PIK3AP1: variants seen among roughly 807,000 people sequenced by gnomAD.
PIK3AP1 encodes the protein phosphoinositide 3-kinase adapter protein 1.
PIK3AP1 carries 21 observed loss-of-function variants against 88.1 expected under a neutral mutation model. The ratio of observed to expected loss-of-function variants is 0.24; its 90% CI spans 0.17 to 0.34. PIK3AP1 has a LOEUF of 0.34. Among genes scored for constraint, PIK3AP1 ranks in the 10% least tolerant of loss-of-function variants. The probability of loss-of-function intolerance (pLI) is 1.00; values close to 1 mark genes in which losing one functional copy is unlikely to be tolerated. For missense variants in PIK3AP1, 828 were observed against 1,035.7 expected, an observed-to-expected ratio of 0.80 and a Z score of 2.75; for synonymous variants, 398 against 400.0, an observed-to-expected ratio of 1.00 and a Z score of 0.06.
intron 8 of PIK3AP1, among the ~76,000 whole-genome samples, chr10:96,635,880 G>A (rs1403763984): frequency 3.3e-5 from 5 of 151,978 alleles, no homozygotes; most frequent in Non-Finnish European, 7.4e-5. Context: ...ACTCCAGCCT[G>A]GGCAACAGAG....
intron 2 of PIK3AP1, among the ~76,000 whole-genome samples, chr10:96,709,174 G>C (rs557977801): frequency 4.9e-4 from 73 of 148,392 alleles, no homozygotes; most frequent in African/African-American, 1.8e-3. Flanking sequence ...AAAATGTGAA[G>C]TTCGCGTGAT....
chr10:96,670,051 T>C (rs911961655), intron 2 of PIK3AP1, among the ~76,000 whole-genome samples: 2 of 150,872 alleles, frequency 1.3e-5, no homozygotes, highest in African/African-American at 4.9e-5. Flanking sequence ...GGCACGCGCC[T>C]GTAGTCCCAG....
intron 2 of PIK3AP1, among the ~76,000 whole-genome samples, chr10:96,663,882 G>C (rs755908195): frequency 2.2e-4 from 33 of 152,094 alleles, no homozygotes; most frequent in Middle Eastern, 3.2e-3. Flanking sequence ...ATGCTGTCTT[G>C]CTATTTTAGC....
chr10:96,689,921 C>A (rs538657965), intron 2 of PIK3AP1, among the ~76,000 whole-genome samples: 78 of 152,274 alleles, frequency 5.1e-4, no homozygotes, highest in African/African-American at 1.8e-3. Flanking sequence ...CAGCCACGTG[C>A]CCAGGATCCA....
intron 2 of PIK3AP1, among the ~76,000 whole-genome samples, chr10:96,696,525 G>A (rs1844223751): frequency 6.6e-6 from 1 of 152,154 alleles, no homozygotes; most frequent in African/African-American, 2.4e-5. Context: ...GTGAATGGCT[G>A]GTGGAAACCA....
chr10:96,642,254 A>C (rs995659078), intron 8 of PIK3AP1, among the ~76,000 whole-genome samples: 17 of 152,046 alleles, frequency 1.1e-4, no homozygotes, highest in African/African-American at 4.1e-4. Flanking sequence ...ACAAAATCCC[A>C]TCTATATGAA....
intron 8 of PIK3AP1, among the ~76,000 whole-genome samples, chr10:96,636,367 T>A (rs1450608687): frequency 2.0e-5 from 3 of 152,258 alleles, no homozygotes; most frequent in Non-Finnish European, 2.9e-5. Flanking sequence ...TAGTAGCACA[T>A]ATTATCTTTG....
chr10:96,644,635 T>A (rs1399971298), intron 8 of PIK3AP1, among the ~76,000 whole-genome samples: 1 of 152,198 alleles, frequency 6.6e-6, no homozygotes. Context: ...CAAAGTTTGT[T>A]AGACAGTTTA....
intron 15 of PIK3AP1, among the ~76,000 whole-genome samples, chr10:96,602,617 C>T (rs1848918429): frequency 6.6e-6 from 1 of 152,164 alleles, no homozygotes; most frequent in Admixed American, 6.5e-5. Context: ...TCATTAATTG[C>T]CTGAATTCTA....
chr10:96,662,735 A>T (rs1372887019), intron 2 of PIK3AP1, among the ~76,000 whole-genome samples: 2 of 147,500 alleles, frequency 1.4e-5, no homozygotes, highest in Non-Finnish European at 3.0e-5. Context: ...AAAAAAAATT[A>T]GCCGGGCGCG....
intron 2 of PIK3AP1, among the ~76,000 whole-genome samples, chr10:96,704,715 T>C (rs536148100): frequency 6.7e-6 from 1 of 149,436 alleles, no homozygotes; most frequent in African/African-American, 2.5e-5. Context: ...CGAGACTCTA[T>C]CTCAAAAAGA....
chr10:96,649,053 AT>A (rs530885995), intron 6 of PIK3AP1, among the ~76,000 whole-genome samples, 198 bp from the exon 7 acceptor site: 5 of 151,878 alleles, frequency 3.3e-5, no homozygotes, highest in Non-Finnish European at 5.9e-5. Flanking sequence ...AGAGGACATA[AT>A]TTTTTTTGTT....
intron 3 of PIK3AP1, 98 bp downstream of exon 3, chr10:96,656,700 G>A (rs570227359): frequency 6.7e-7 from 1 of 1,490,634 alleles, no homozygotes; most frequent in South Asian, 1.2e-5. Flanking sequence ...TTATACTGAG[G>A]TGCAATACAA....
chr10:96,643,011 G>A (rs1589509038), intron 8 of PIK3AP1, among the ~76,000 whole-genome samples: 2 of 152,166 alleles, frequency 1.3e-5, no homozygotes, highest in South Asian at 2.1e-4. Context: ...TTTTGTGAGT[G>A]AGTCCCTATT....
chr10:96,650,828 C>A (rs1418886464), intron 6 of PIK3AP1, among the ~76,000 whole-genome samples: 1 of 152,126 alleles, frequency 6.6e-6, no homozygotes, highest in Non-Finnish European at 1.5e-5. Flanking sequence ...ATAGAAAAGA[C>A]AAGAGGGAGT....
chr10:96,674,703 G>A (rs910868972), intron 2 of PIK3AP1, among the ~76,000 whole-genome samples: 1 of 152,216 alleles, frequency 6.6e-6, no homozygotes, highest in Non-Finnish European at 1.5e-5. Context: ...CCTCAGGGAG[G>A]ACCACTGTAA....
chr10:96,641,405 C>T (rs148398854), intron 8 of PIK3AP1, among the ~76,000 whole-genome samples: 8 of 152,266 alleles, frequency 5.3e-5, no homozygotes, highest in Admixed American at 1.3e-4. Context: ...CTAAAGCCTG[C>T]CACCCTAAAG....
At chr10:96,673,726 G>A (rs979410727) in intron 2 of PIK3AP1, among the ~76,000 whole-genome samples, 7 of 152,104 alleles carry the variant, frequency 4.6e-5, no homozygotes, top group Non-Finnish European at 1.0e-4. Context: ...AATGGGCTTT[G>A]TCTGGGGCAG....
intron 11 of PIK3AP1, chr10:96,620,981 C>A (rs1346754119): frequency 1.1e-5 from 2 of 177,906 alleles, no homozygotes; most frequent in South Asian, 1.2e-4. Context: ...TGAATACAGT[C>A]TCTTTCCAGA....
Sources: gnomAD v4.1 joint callset for allele counts (sites outside exome capture counted in the v4.1 genomes callset) on GRCh38, gnomAD v4.1.1 for gene constraint, MANE v1.5 for transcripts, NCBI Gene and HGNC (gene_info 2026-07-23, HGNC 2026-07-21) for gene names.